The following FSTL5 variants were observed in gnomAD, a reference collection of about 807,000 sequenced individuals.
FSTL5 encodes follistatin-related protein 5.
FSTL5 carries 62 observed loss-of-function variants against 89.1 expected under a neutral mutation model. That is an observed-to-expected ratio of 0.70 (90% CI 0.57 to 0.86). FSTL5 has a LOEUF of 0.86. Among genes scored for constraint, FSTL5 ranks in the 40% least tolerant of loss-of-function variants. The pLI is 0.00. For missense variants in FSTL5, 1,057 were observed against 1,001.6 expected, an observed-to-expected ratio of 1.06 and a Z score of -0.75; for synonymous variants, 383 against 346.2, an observed-to-expected ratio of 1.11 and a Z score of -1.18.
chr4:162,035,443 G>A (rs1439858213), intron 2 of FSTL5: 1 of 152,028 alleles, frequency 6.6e-6, no homozygotes, highest in Non-Finnish European at 1.5e-5. Flanking sequence ...ACATGTCCTA[G>A]GGGAGAAAAA....
At chr4:161,726,230 T>TC (rs200665500) in intron 6 of FSTL5, among the ~76,000 whole-genome samples, 10,426 of 141,928 alleles carry the variant, frequency 0.073, 502 homozygotes, top group Non-Finnish European at 0.11. Flanking sequence ...TCTTTTTCTT[T>TC]TTTTTTTTTT....
rs1011871435 is a variant in FSTL5, at chr4:161,847,994, C to T, written c.410-71920G>A. 5.8e-5 allele frequency among the ~76,000 whole-genome samples: 8 copies of T among 138,522 alleles called. No homozygotes were observed. In the East Asian group the frequency reaches 1.8e-3, roughly 31 times the overall value. The allele number at this position is 138,522 out of a possible 152,430, so 90.9% of individuals were successfully genotyped here. A position where few individuals can be genotyped will look rare whatever the true frequency, so the allele number is the denominator to read the frequency against. On this transcript the variant is annotated intron_variant, in intron 4 of 15. Transcript: ENST00000306100. ...GAGGTTGCAGTTAGCTGACATCGCG[C>T]CACTGCACTCCAGCCTGGGTGACAA... is the stretch of plus-strand genomic sequence containing the variant.
Position 161,386,044 on chromosome 4 carries a change from A to G in FSTL5, c.2247T>C (p.Thr749=), listed in dbSNP as rs1730619585. The change falls in exon 16 of 16, where the codon ACT becomes ACC. Residue 749 remains threonine (T), a synonymous_variant. Coordinates refer to ENST00000306100, the MANE Select transcript of FSTL5 (RefSeq NM_020116.5). ...CGTAGATGTTATATTGGTGGGCTTC[A>G]GTAAAGGATGGTTGAAATGCCAGAT... The part of the protein sequence containing the change: ...ISDLAFQPSF[T]EAHQYNIYGS... The G allele has an allele frequency of 1.2e-6, 2 of 1,613,964 alleles. No homozygotes were observed. The highest frequency in any genetic ancestry group is 1.7e-6 in the Non-Finnish European group (2 of 1,179,990).
At chr4:161,766,910 TGATAGATAGATA>T (rs34991915) in intron 5 of FSTL5, among the ~76,000 whole-genome samples, 1,588 of 106,794 alleles carry the variant, frequency 0.015, 7 homozygotes, top group African/African-American at 0.017. Flanking sequence ...ATAGATCGAT[TGATAGATAGATA>T]GATAGATAGA....
At chr4:161,716,646 C>T (rs903215589) in intron 6 of FSTL5, among the ~76,000 whole-genome samples, 3 of 152,098 alleles carry the variant, frequency 2.0e-5, no homozygotes, top group Non-Finnish European at 4.4e-5. Flanking sequence ...CCTTCCATCA[C>T]TCTCAAATGC....
At position 161,677,622 on chromosome 4, in the gene FSTL5, T is replaced by G. The variant is rs555379103; in HGVS notation, c.728-21128A>C. Among the ~76,000 whole-genome samples the G allele has an allele frequency of 3.9e-5, 6 of 152,124 alleles. No homozygotes were observed. In the South Asian group the frequency reaches 1.0e-3, roughly 26 times the overall value. On this transcript the variant is annotated intron_variant, in intron 6 of 15. Transcript: ENST00000306100. The stretch of plus-strand genomic sequence containing the variant: ...ATCAATACTAAACTCTGGCCCATGT[T>G]GCTTCTGTGTGAGAACCGAAAGAGT...
At chr4:161,713,542 T>C (rs1322616099) in intron 6 of FSTL5, among the ~76,000 whole-genome samples, 2 of 152,186 alleles carry the variant, frequency 1.3e-5, no homozygotes, top group African/African-American at 4.8e-5. Flanking sequence ...GAACACACTT[T>C]AACTGTTTTC....
chr4:162,054,033 G>T (rs1363494031), intron 2 of FSTL5, among the ~76,000 whole-genome samples: 1 of 151,670 alleles, frequency 6.6e-6, no homozygotes, highest in Non-Finnish European at 1.5e-5. Context: ...TTATAAAATA[G>T]ATGCAAAATT....
chr4:161,877,891 T>C (rs1399710005), intron 4 of FSTL5, among the ~76,000 whole-genome samples: 2 of 151,376 alleles, frequency 1.3e-5, no homozygotes, highest in Admixed American at 1.3e-4. Context: ...CCTGACCTCG[T>C]GATCTGCCCG....
At chr4:162,079,930 G>A (rs1730023900) in intron 2 of FSTL5, among the ~76,000 whole-genome samples, 1 of 151,498 alleles carries the variant, frequency 6.6e-6, no homozygotes, top group African/African-American at 2.4e-5. Context: ...AAACAATAAT[G>A]AAGGGATTAT....
At chr4:161,942,673 A>G (rs539161532) in intron 3 of FSTL5, among the ~76,000 whole-genome samples, 1 of 152,208 alleles carries the variant, frequency 6.6e-6, no homozygotes, top group South Asian at 2.1e-4. Flanking sequence ...CTGTCACACA[A>G]ATTCCAGGGG....
intron 4 of FSTL5, among the ~76,000 whole-genome samples, chr4:161,860,956 T>C (rs917734251): frequency 6.6e-6 from 1 of 152,120 alleles, no homozygotes. Flanking sequence ...GCACAGCATA[T>C]ATTTCACAAA....
chr4:162,102,348 T>C (rs1731028569), intron 2 of FSTL5, among the ~76,000 whole-genome samples: 1 of 151,682 alleles, frequency 6.6e-6, no homozygotes, highest in South Asian at 2.1e-4. Flanking sequence ...TATATAAATA[T>C]GCATCAGCAT....
At chr4:161,852,738 A>G (rs1388528886) in intron 4 of FSTL5, among the ~76,000 whole-genome samples, 2 of 152,206 alleles carry the variant, frequency 1.3e-5, no homozygotes, top group African/African-American at 4.8e-5. Context: ...TAGACTAGAT[A>G]AAGAAAATGT....
At chr4:161,388,631 T>C (rs148578044) in intron 15 of FSTL5, among the ~76,000 whole-genome samples, 1 of 152,224 alleles carries the variant, frequency 6.6e-6, no homozygotes, top group Non-Finnish European at 1.5e-5. Context: ...TGGCATTATT[T>C]GCAAAATTAT....
chr4:161,845,819 G>A (rs1328192496), intron 4 of FSTL5, among the ~76,000 whole-genome samples: 1 of 152,140 alleles, frequency 6.6e-6, no homozygotes, highest in Non-Finnish European at 1.5e-5. Context: ...GCCAAGGTGG[G>A]AGGGTCCCTA....
chr4:161,383,911 G>T lies in FSTL5; in HGVS notation c.*1836C>A. 6.6e-6 allele frequency: 1 copy of T among 152,108 alleles called. No homozygotes were observed. The highest frequency in any genetic ancestry group is 1.9e-4 in the East Asian group (1 of 5,198). The allele number at this position is 152,108 out of a possible 1,614,324, so 9.4% of individuals were successfully genotyped here. On this transcript the variant is annotated 3_prime_UTR_variant, in exon 16 of 16. Coordinates refer to ENST00000306100, the MANE Select transcript of FSTL5 (RefSeq NM_020116.5). Reference sequence around the variant, plus strand: ...ACTCTCAAGGGTTAAAATGTAAGAGGTTTATTCTCCTTTTATCAAGCAGTG... The same window carrying T: ...ACTCTCAAGGGTTAAAATGTAAGAGTTTTATTCTCCTTTTATCAAGCAGTG...
intron 2 of FSTL5, among the ~76,000 whole-genome samples, chr4:162,110,820 A>G (rs1250235071): frequency 2.0e-5 from 3 of 151,862 alleles, no homozygotes; most frequent in Non-Finnish European, 4.4e-5. Flanking sequence ...AAAAATTTCT[A>G]TGGAAAGAAA....
intron 3 of FSTL5, among the ~76,000 whole-genome samples, chr4:161,948,057 G>A (rs551908809): frequency 1.3e-4 from 20 of 151,882 alleles, no homozygotes; most frequent in African/African-American, 4.8e-4. Context: ...TGGCAGAATC[G>A]CTTGAGTCCA....
Sources: allele counts gnomAD v4.1 joint callset (sites outside exome capture counted in the v4.1 genomes callset), GRCh38; gene constraint gnomAD v4.1.1; transcripts MANE v1.5; gene names NCBI Gene and HGNC (gene_info 2026-07-23, HGNC 2026-07-21).